ACAN: variants seen among roughly 807,000 people sequenced by gnomAD.
The protein encoded by ACAN is aggrecan, also known as aggrecan core protein.
A neutral mutation model predicts 169.1 loss-of-function variants in ACAN; 47 were observed. The observed-to-expected ratio is 0.28, with a 90% CI of 0.22 to 0.35. ACAN has a LOEUF of 0.35. Among genes scored for constraint, ACAN ranks in the 10% least tolerant of loss-of-function variants. The pLI, the probability that ACAN is intolerant of heterozygous loss-of-function variation, is 1.00. For missense variants in ACAN, 2,716 were observed against 2,759.9 expected, an observed-to-expected ratio of 0.98 and a Z score of 0.36; for synonymous variants, 1,115 against 1,112.2, an observed-to-expected ratio of 1.00 and a Z score of -0.05.
chr15:88,874,462 GCC>G lies in ACAN; in HGVS notation c.7691_7692del (p.Pro2564GlnfsTer16). The G allele has an allele frequency of 6.2e-7, 1 of 1,604,592 alleles. No homozygotes were observed. On this transcript the variant is annotated frameshift_variant, in exon 19 of 19. Coordinates refer to ENST00000560601, the MANE Select transcript of ACAN (RefSeq NM_001369268.1). LOFTEE classifies it high-confidence loss of function. This position sits in a 1 kb window ranked among gnomAD's most constrained non-coding sequence, Gnocchi z 7.3. ...AGCTCACGGCACCCTCGGAGGAGCC[GCC>G]CCAGCACAGCCCACTGAGAAGAGCT...
At chr15:88,833,851 C>A (rs1240618005) in intron 1 of ACAN, among the ~76,000 whole-genome samples, 1 of 151,956 alleles carries the variant, frequency 6.6e-6, no homozygotes, top group African/African-American at 2.4e-5. Flanking sequence ...CCAGCTTGTT[C>A]AGAGAGTGAG....
chr15:88,857,961 C>A lies in ACAN; in HGVS notation c.5376C>A (p.Val1792=), dbSNP rs1192794860. Residue 1792 remains valine, a synonymous_variant, in exon 12 of 19, where the codon GTC becomes GTA. Transcript: ENST00000560601. ...ITDLSGETSG[V]PDLSGQPSGL... ...ATCTGAGTGGAGAAACATCTGGGGTCCCTGATCTCAGTGGGCAGCCTTCAG... is the reference window on the plus strand; with the variant it reads ...ATCTGAGTGGAGAAACATCTGGGGTACCTGATCTCAGTGGGCAGCCTTCAG... 1.9e-6 allele frequency: 3 copies of A among 1,613,792 alleles called. No homozygotes were observed. The highest frequency in any genetic ancestry group is 4.5e-5 in the East Asian group (2 of 44,860).
rs762429847 is a variant in ACAN, at chr15:88,869,868, T to C, written c.7061-1514T>C. On this transcript the variant is annotated intron_variant, in intron 14 of 18. Transcript: ENST00000560601. This position sits in a 1 kb window ranked among gnomAD's most constrained non-coding sequence, Gnocchi z 4.2. ...TCAGTCTGGAATTGTTTCTGTTTCC[T>C]AAGAATCTTCAGCCTGCACAGCCCT... is the stretch of plus-strand genomic sequence containing the variant. 2.0e-5 allele frequency among the ~76,000 whole-genome samples: 3 copies of C among 152,118 alleles called. No individual in the cohort carries two copies. Among genetic ancestry groups the C allele is most frequent in the Non-Finnish European group, 2.9e-5 (2 of 68,014 alleles).
intron 13 of ACAN, among the ~76,000 whole-genome samples, chr15:88,864,862 G>A (rs1335785074): frequency 2.0e-5 from 3 of 152,198 alleles, no homozygotes; most frequent in African/African-American, 7.2e-5. Context: ...CATTCATATT[G>A]TAGTCTTTAT....
chr15:88,851,685 G>A lies in ACAN; in HGVS notation c.2027-109G>A, dbSNP rs1248809866. On this transcript the variant is annotated intron_variant, in intron 10 of 18. Coordinates refer to ENST00000560601, the MANE Select transcript of ACAN (RefSeq NM_001369268.1). The surrounding 1 kb of genome is among the most constrained non-coding windows in gnomAD (Gnocchi z 4.3). ...CAAACAGCCATCTGCTGAACTAGGA[G>A]GTGGGGCCTGGCCACCTCAGAGTCC... The A allele has an allele frequency of 6.7e-6, 9 of 1,348,666 alleles. No individual in the cohort carries two copies. Among genetic ancestry groups the A allele is most frequent in the Non-Finnish European group, 8.9e-6 (9 of 1,008,994 alleles). The allele number at this position is 1,348,666 out of a possible 1,614,324, so 83.5% of individuals were successfully genotyped here.
chr15:88,810,183 C>G (rs1387720719), intron 1 of ACAN, among the ~76,000 whole-genome samples: 1 of 152,146 alleles, frequency 6.6e-6, no homozygotes, highest in African/African-American at 2.4e-5. Flanking sequence ...TCACACCACG[C>G]AGGTCCCATT....
At chr15:88,806,417 T>C (rs1895684523) in intron 1 of ACAN, among the ~76,000 whole-genome samples, 1 of 151,976 alleles carries the variant, frequency 6.6e-6, no homozygotes, top group Non-Finnish European at 1.5e-5. Context: ...AGTGGCCCAA[T>C]GTTGGCTCAC....
At chr15:88,808,713 A>G (rs1895747078) in intron 1 of ACAN, among the ~76,000 whole-genome samples, 1 of 152,274 alleles carries the variant, frequency 6.6e-6, no homozygotes, top group South Asian at 2.1e-4. Context: ...GCCCACATAC[A>G]TGCACAATAG....
In ACAN at chr15:88,861,485, ATAT is replaced by A. The variant is rs1897192619; in HGVS notation, c.6946+1053_6946+1055del. On this transcript the variant is annotated intron_variant, in intron 13 of 18. Transcript: ENST00000560601. The surrounding 1 kb of genome is among the most constrained non-coding windows in gnomAD (Gnocchi z 6.3). ...TACATGCAAATTAATACATCATTAT[ATAT>A]TATTATATATCATATAAACATGCTG... Among the ~76,000 whole-genome samples the A allele has an allele frequency of 6.6e-6, 1 of 152,110 alleles. No individual in the cohort carries two copies. The highest frequency in any genetic ancestry group is 6.5e-5 in the Admixed American group (1 of 15,274).
At position 88,847,929 on chromosome 15, in the gene ACAN, C is replaced by A. The variant is rs2272023; in HGVS notation, c.1623C>A (p.Pro541=). The A allele has an allele frequency of 0.74, 1,190,048 of 1,613,524 alleles. 445,221 individuals are homozygous for A. Among genetic ancestry groups the A allele is most frequent in the African/African-American group, 0.89 (66,866 of 74,996 alleles). The change falls in exon 9 of 19, where the codon CCC becomes CCA. Residue 541 remains proline, a synonymous_variant. Transcript: ENST00000560601. Reference sequence around the variant, plus strand: ...TTTGCAGATACCCCATTGTGAGCCCCCGGACCCCATGCGTGGGTGACAAGG... The same window carrying A: ...TTTGCAGATACCCCATTGTGAGCCCACGGACCCCATGCGTGGGTGACAAGG... The part of the protein sequence containing the change: ...DQTVRYPIVS[P]RTPCVGDKDS...
intron 1 of ACAN, among the ~76,000 whole-genome samples, chr15:88,815,024 A>C (rs1596113319): frequency 1.4e-5 from 2 of 138,526 alleles, no homozygotes; most frequent in African/African-American, 2.8e-5. Flanking sequence ...TCCTGTGTGG[A>C]CCCCAGAAAA....
Position 88,861,960 on chromosome 15 carries a change from C to G in ACAN, c.6946+1521C>G, listed in dbSNP as rs1897202734. On this transcript the variant is annotated intron_variant, in intron 13 of 18. Coordinates refer to ENST00000560601, the MANE Select transcript of ACAN (RefSeq NM_001369268.1). This position sits in a 1 kb window ranked among gnomAD's most constrained non-coding sequence, Gnocchi z 6.3. ...TCTCCCCAGATGGCTCTGTAAGCAG[C>G]TTGGTAACTACCCCCATTTGAGACT... Among the ~76,000 whole-genome samples the G allele has an allele frequency of 6.6e-6, 1 of 152,200 alleles. No individual in the cohort carries two copies. Among genetic ancestry groups the G allele is most frequent in the Non-Finnish European group, 1.5e-5 (1 of 68,036 alleles).
Position 88,861,757 on chromosome 15 carries a change from C to A in ACAN, c.6946+1318C>A, listed in dbSNP as rs866339438. Among the ~76,000 whole-genome samples, 3 of 152,166 alleles carry A rather than the reference C, an allele frequency of 2.0e-5. No individual in the cohort carries two copies. Among genetic ancestry groups the A allele is most frequent in the Non-Finnish European group, 4.4e-5 (3 of 68,026 alleles). ...GTGACTCCACTCTTGGGAAATCCTT[C>A]TTAACCTGATACTTGAGGCAAAAAT... On this transcript the variant is annotated intron_variant, in intron 13 of 18. Coordinates refer to ENST00000560601, the MANE Select transcript of ACAN (RefSeq NM_001369268.1). The surrounding 1 kb of genome is among the most constrained non-coding windows in gnomAD (Gnocchi z 6.3).
At position 88,843,686 on chromosome 15, in the gene ACAN, A is replaced by G; in HGVS notation, c.1051+38A>G. On this transcript the variant is annotated intron_variant, in intron 6 of 18. Coordinates refer to ENST00000560601, the MANE Select transcript of ACAN (RefSeq NM_001369268.1). The surrounding 1 kb of genome is among the most constrained non-coding windows in gnomAD (Gnocchi z 4.0). ...TGGTGGTGGGAAGGGAGTTCATGCC[A>G]CTAAAATGGGGTCCTAGAGGGAAGA... 1 of 1,535,268 alleles carries G rather than the reference A, an allele frequency of 6.5e-7. No individual in the cohort carries two copies. Among genetic ancestry groups the G allele is most frequent in the Non-Finnish European group, 8.8e-7 (1 of 1,134,996 alleles).
chr15:88,839,024 C>A lies in ACAN; in HGVS notation c.432C>A (p.Ala144=), dbSNP rs376762991. The change falls in exon 3 of 19, where the codon GCC becomes GCA. Residue 144 remains alanine (A), a synonymous_variant. Transcript: ENST00000560601. This position sits in a 1 kb window ranked among gnomAD's most constrained non-coding sequence, Gnocchi z 4.5. ...TGCATGGCATCGAGGACAGCGAGGC[C>A]ACCCTGGAAGTCGTGGTGAAAGGTG... ...EVMHGIEDSE[A]TLEVVVKGIV... 1.5e-4 allele frequency: 244 copies of A among 1,605,420 alleles called. No individual in the cohort carries two copies. The African/African-American group carries it at 2.8e-3, about 18-fold the overall frequency.
At chr15:88,862,219 A>G (rs1187739578) in intron 13 of ACAN, among the ~76,000 whole-genome samples, 2 of 152,272 alleles carry the variant, frequency 1.3e-5, no homozygotes, top group East Asian at 3.9e-4. Flanking sequence ...CCCAGCCTTC[A>G]TTTTCCTCAT....
intron 13 of ACAN, among the ~76,000 whole-genome samples, chr15:88,862,697 G>A (rs944280299): frequency 1.3e-5 from 2 of 152,164 alleles, no homozygotes. Context: ...ACTACAGGTT[G>A]TTAAAAAGAC....
In ACAN at chr15:88,857,452, AGTG is replaced by A. The variant is rs1337717248; in HGVS notation, c.4870_4872del (p.Gly1624del). ...AGGAAGTGGGCAAGCTCCAGAAACA[AGTG>A]GTCTTCCCTCTGGATTTAGTGGTGA... On this transcript the variant is annotated inframe_deletion, in exon 12 of 19. Coordinates refer to ENST00000560601, the MANE Select transcript of ACAN (RefSeq NM_001369268.1). The A allele has an allele frequency of 2.5e-6, 4 of 1,613,908 alleles. No individual in the cohort carries two copies. Among genetic ancestry groups the A allele is most frequent in the Non-Finnish European group, 3.4e-6 (4 of 1,179,896 alleles).
intron 1 of ACAN, among the ~76,000 whole-genome samples, chr15:88,818,917 T>C (rs1015302983): frequency 6.6e-6 from 1 of 152,274 alleles, no homozygotes; most frequent in African/African-American, 2.4e-5. Flanking sequence ...AATTTTATGT[T>C]ATGTATATTT....
Sources: allele counts gnomAD v4.1 joint callset (sites outside exome capture counted in the v4.1 genomes callset), GRCh38; gene constraint gnomAD v4.1.1; non-coding constraint Gnocchi (gnomAD v3.1); transcripts MANE v1.5; gene names NCBI Gene and HGNC (gene_info 2026-07-23, HGNC 2026-07-21).